FMN1: variants seen among roughly 807,000 people sequenced by gnomAD.
FMN1 encodes the protein formin-1.
In FMN1, 110 loss-of-function variants were observed where a neutral mutation model predicts 132.4. The observed-to-expected ratio is 0.83, with a 90% CI of 0.71 to 0.97. FMN1 has a LOEUF of 0.97. Ranked by LOEUF, FMN1 falls within the 50% of genes least tolerant of loss-of-function variation. The pLI, the probability that FMN1 is intolerant of heterozygous loss-of-function variation, is 0.00. For missense variants in FMN1, 1,792 were observed against 1,705.3 expected (o/e 1.05, Z -0.90); for synonymous variants, 722 against 651.7 (o/e 1.11, Z -1.64).
At chr15:33,189,279 A>C (rs1965992805) in intron 2 of FMN1, among the ~76,000 whole-genome samples, 2 of 152,142 alleles carry the variant, frequency 1.3e-5, no homozygotes, top group South Asian at 4.1e-4. Context: ...AATAGAAATA[A>C]AGAGAGATGG....
At chr15:32,966,805 A>C (rs72719350) in intron 8 of FMN1, among the ~76,000 whole-genome samples, 15 of 152,360 alleles carry the variant, frequency 9.8e-5, no homozygotes, top group Non-Finnish European at 2.2e-4. Flanking sequence ...AAAATATTAA[A>C]ATATGATTTT....
chr15:32,932,648 G>A (rs2061150235), intron 9 of FMN1, among the ~76,000 whole-genome samples: 1 of 152,084 alleles, frequency 6.6e-6, no homozygotes, highest in Admixed American at 6.6e-5. Context: ...TTCTCTGGAG[G>A]TTTTTGATTT....
At chr15:32,866,781 T>A (rs1346459928) in intron 16 of FMN1, among the ~76,000 whole-genome samples, 2 of 152,214 alleles carry the variant, frequency 1.3e-5, no homozygotes, top group Non-Finnish European at 2.9e-5. Flanking sequence ...TCATTTTGTA[T>A]CTCCTTCGCT....
At chr15:32,889,655 C>CTTTAA (rs895275898) in intron 15 of FMN1, among the ~76,000 whole-genome samples, 6 of 152,196 alleles carry the variant, frequency 3.9e-5, no homozygotes, top group African/African-American at 1.4e-4. Context: ...CATACTCATC[C>CTTTAA]TTTAAGTCTT....
chr15:32,961,270 AT>A (rs1179926304), intron 9 of FMN1, among the ~76,000 whole-genome samples: 3 of 151,622 alleles, frequency 2.0e-5, no homozygotes, highest in African/African-American at 7.3e-5. Context: ...AGTAGCTGAG[AT>A]TACAGGCGCC....
At chr15:32,956,697 G>A (rs573712803) in intron 9 of FMN1, among the ~76,000 whole-genome samples, 2 of 152,166 alleles carry the variant, frequency 1.3e-5, no homozygotes, top group South Asian at 4.2e-4. Flanking sequence ...CGTGAAAAAC[G>A]TAAAGGGGTA....
chr15:32,818,746 G>A (rs894528036), intron 17 of FMN1, among the ~76,000 whole-genome samples: 1 of 152,070 alleles, frequency 6.6e-6, no homozygotes, highest in African/African-American at 2.4e-5. Flanking sequence ...AAGCAAATGT[G>A]AAGCCTCTGT....
chr15:32,825,261 T>C (rs1420006470), intron 17 of FMN1, among the ~76,000 whole-genome samples: 1 of 152,214 alleles, frequency 6.6e-6, no homozygotes, highest in Non-Finnish European at 1.5e-5. Flanking sequence ...TCAGGTTACT[T>C]TCATTTTACA....
At chr15:32,867,707 G>A (rs1486490329) in intron 16 of FMN1, among the ~76,000 whole-genome samples, 1 of 152,108 alleles carries the variant, frequency 6.6e-6, no homozygotes, top group Non-Finnish European at 1.5e-5. Context: ...TAGCCGGGAT[G>A]GTCTCAATCT....
intron 15 of FMN1, among the ~76,000 whole-genome samples, chr15:32,892,441 G>A (rs1567339427): frequency 6.6e-6 from 1 of 152,176 alleles, no homozygotes; most frequent in Non-Finnish European, 1.5e-5. Context: ...TTTTTGATAT[G>A]TTGTTGGATG....
At chr15:33,126,286 G>A (rs935495797) in intron 4 of FMN1, among the ~76,000 whole-genome samples, 3 of 152,162 alleles carry the variant, frequency 2.0e-5, no homozygotes, top group African/African-American at 7.2e-5. Context: ...CTGTGAGGCA[G>A]GTACGGCACC....
intron 6 of FMN1, among the ~76,000 whole-genome samples, chr15:33,053,158 A>G (rs968295597): frequency 8.5e-5 from 13 of 152,178 alleles, no homozygotes; most frequent in African/African-American, 2.2e-4. Context: ...AAGGCTGTAG[A>G]ACTAGGCCTT....
intron 19 of FMN1, among the ~76,000 whole-genome samples, chr15:32,790,198 A>G (rs1236939093): frequency 6.6e-6 from 1 of 152,230 alleles, no homozygotes; most frequent in African/African-American, 2.4e-5. Context: ...GATTCCTCCA[A>G]ACGCATGTTC....
At chr15:32,824,532 C>T (rs375806109) in intron 17 of FMN1, among the ~76,000 whole-genome samples, 57 of 152,260 alleles carry the variant, frequency 3.7e-4, no homozygotes, top group African/African-American at 1.3e-3. Context: ...TTGCTCTGTT[C>T]CCGCCACTGG....
intron 3 of FMN1, among the ~76,000 whole-genome samples, chr15:33,178,295 C>T (rs892539569): frequency 6.6e-6 from 1 of 152,200 alleles, no homozygotes; most frequent in Non-Finnish European, 1.5e-5. Context: ...GATCCAAACG[C>T]TATTTGCACT....
chr15:32,855,173 A>AG (rs2059100699), intron 17 of FMN1, among the ~76,000 whole-genome samples: 1 of 151,054 alleles, frequency 6.6e-6, no homozygotes, highest in African/African-American at 2.4e-5. Flanking sequence ...AAAAAAAAAA[A>AG]AAAAAAAAAG....
At chr15:32,871,589 T>C (rs1362498465) in intron 16 of FMN1, among the ~76,000 whole-genome samples, 1 of 152,084 alleles carries the variant, frequency 6.6e-6, no homozygotes, top group African/African-American at 2.4e-5. Flanking sequence ...AAACTTATTC[T>C]AGGTTGAGGG....
intron 5 of FMN1, among the ~76,000 whole-genome samples, chr15:33,074,774 G>C (rs933276432): frequency 3.3e-5 from 5 of 152,054 alleles, no homozygotes; most frequent in Non-Finnish European, 7.4e-5. Context: ...CTAGCACTTT[G>C]GGAGGCTGAG....
intron 17 of FMN1, among the ~76,000 whole-genome samples, chr15:32,840,742 G>C (rs1435702098): frequency 1.3e-5 from 2 of 152,196 alleles, no homozygotes; most frequent in African/African-American, 4.8e-5. Context: ...ACAAACATGA[G>C]AGGAAGCTGT....
Sources: allele counts gnomAD v4.1 joint callset (sites outside exome capture counted in the v4.1 genomes callset), GRCh38; gene constraint gnomAD v4.1.1; transcripts MANE v1.5; gene names NCBI Gene and HGNC (gene_info 2026-07-23, HGNC 2026-07-21).